The following AGAP1 variants were observed in gnomAD, a reference collection of about 807,000 sequenced individuals.
The protein encoded by AGAP1 is arf-GAP with GTPase, ANK repeat and PH domain-containing protein 1.
In AGAP1, 29 loss-of-function variants were observed where a neutral mutation model predicts 105.3. That is an observed-to-expected ratio of 0.28 (90% CI 0.21 to 0.38). The LOEUF (loss-of-function observed/expected upper bound fraction) is 0.38, where lower values mean the gene tolerates loss of function less well. Among genes scored for constraint, AGAP1 ranks in the 10% least tolerant of loss-of-function variants. The pLI, the probability that AGAP1 is intolerant of heterozygous loss-of-function variation, is 1.00. For missense variants in AGAP1, 998 were observed against 1,165.1 expected (o/e 0.86, Z 2.09); for synonymous variants, 509 against 485.9 (o/e 1.05, Z -0.63).
At chr2:235,500,886 G>A (rs908437060) in intron 1 of AGAP1, among the ~76,000 whole-genome samples, 1 of 152,178 alleles carries the variant, frequency 6.6e-6, no homozygotes, top group Non-Finnish European at 1.5e-5. Context: ...GGCGGCCTGG[G>A]CAGGAGAAGC....
chr2:235,908,878 G>A lies in AGAP1; in HGVS notation c.1296G>A (p.Met432Ile), dbSNP rs745641948. 6.2e-6 allele frequency: 10 copies of A among 1,613,770 alleles called. No homozygotes were observed. The highest frequency in any genetic ancestry group is 8.5e-6 in the Non-Finnish European group (10 of 1,179,920). Reference protein sequence around the residue: ...SPKTNGLSKDMSSLHISPNSG... With the variant: ...SPKTNGLSKDISSLHISPNSG... Reference sequence around the variant, plus strand: ...AAACCAATGGCCTATCCAAGGACATGAGCAGTTTACACATCTCACCCAATT... The same window carrying A: ...AAACCAATGGCCTATCCAAGGACATAAGCAGTTTACACATCTCACCCAATT... Residue 432 changes from methionine to isoleucine, a missense_variant, in exon 11 of 18, where the codon ATG becomes ATA. This residue lies in a region of AGAP1 where 735 missense variants were observed against 833.4 expected (regional missense o/e 0.88). Transcript: ENST00000304032. The surrounding 1 kb of genome is among the most constrained non-coding windows in gnomAD (Gnocchi z 4.4).
chr2:235,543,133 G>GGGTGTT, intron 1 of AGAP1, among the ~76,000 whole-genome samples: 1 of 114,004 alleles, frequency 8.8e-6, no homozygotes, highest in African/African-American at 3.2e-5. Context: ...GTTGGGTGTT[G>GGGTGTT]GGTGTTGGGT....
In AGAP1 at chr2:235,789,909, G is replaced by C. The variant is rs1001715445; in HGVS notation, c.674-7850G>C. Among the ~76,000 whole-genome samples, 2 of 152,158 alleles carry C rather than the reference G, an allele frequency of 1.3e-5. No individual in the cohort carries two copies. The highest frequency in any genetic ancestry group is 1.5e-5 in the Non-Finnish European group (1 of 68,032). ...CACCCCTAAGTTAAATTTATGACCT[G>C]TTTAGTTGCAGGATGTCTTACCTTC... On this transcript the variant is annotated intron_variant, in intron 6 of 17. Transcript: ENST00000304032. This position sits in a 1 kb window ranked among gnomAD's most constrained non-coding sequence, Gnocchi z 4.2.
intron 1 of AGAP1, among the ~76,000 whole-genome samples, chr2:235,684,941 C>T (rs2149412713): frequency 6.6e-6 from 1 of 152,280 alleles, no homozygotes; most frequent in East Asian, 1.9e-4. Flanking sequence ...ATACAAGTCA[C>T]CATGGCCATT....
rs2054031418 is a variant in AGAP1, at chr2:235,958,256, G to A, written c.1484-10206G>A. ...GTCCCCTGAGGGAGAGTGGTTGGAG[G>A]TGTTTCTGGAGGGCCCTGTACTCCC... On this transcript the variant is annotated intron_variant, in intron 12 of 17. Coordinates refer to ENST00000304032, the MANE Select transcript of AGAP1 (RefSeq NM_001037131.3). The surrounding 1 kb of genome is among the most constrained non-coding windows in gnomAD (Gnocchi z 4.1). Among the ~76,000 whole-genome samples, 1 of 152,192 alleles carries A rather than the reference G, an allele frequency of 6.6e-6. No homozygotes were observed. Among genetic ancestry groups the A allele is most frequent in the East Asian group, 1.9e-4 (1 of 5,160 alleles).
intron 6 of AGAP1, among the ~76,000 whole-genome samples, chr2:235,763,070 ACAC>A (rs1954605468): frequency 1.2e-5 from 1 of 82,386 alleles, no homozygotes; most frequent in Non-Finnish European, 2.7e-5. Context: ...GCGCGCGCGC[ACAC>A]GTGCACCTGC....
In AGAP1 at chr2:235,551,695, A is replaced by G. The variant is rs751265436; in HGVS notation, c.163+56846A>G. On this transcript the variant is annotated intron_variant, in intron 1 of 17. Coordinates refer to ENST00000304032, the MANE Select transcript of AGAP1 (RefSeq NM_001037131.3). This position sits in a 1 kb window ranked among gnomAD's most constrained non-coding sequence, Gnocchi z 4.8. ...GTGGGTGCTGTTTCTTTCCTGCAGGATGTTTGCTGAGCATTTGTGAGTGGA... is the reference window on the plus strand; with the variant it reads ...GTGGGTGCTGTTTCTTTCCTGCAGGGTGTTTGCTGAGCATTTGTGAGTGGA... Among the ~76,000 whole-genome samples, 31 of 152,166 alleles carry G rather than the reference A, an allele frequency of 2.0e-4. No homozygotes were observed. The highest frequency in any genetic ancestry group is 4.1e-4 in the Non-Finnish European group (28 of 68,032).
intron 1 of AGAP1, among the ~76,000 whole-genome samples, chr2:235,564,753 G>A (rs1944288549): frequency 6.9e-6 from 1 of 144,444 alleles, no homozygotes; most frequent in East Asian, 2.3e-4. Flanking sequence ...AGCACCCAGG[G>A]CCAGGTGTGA....
intron 6 of AGAP1, among the ~76,000 whole-genome samples, chr2:235,778,339 T>C (rs1440477517): frequency 6.6e-6 from 1 of 152,240 alleles, no homozygotes; most frequent in East Asian, 1.9e-4. Context: ...CTTTGACCAG[T>C]GCAGCCAGCA....
At chr2:235,726,694 G>A (rs191611566) in intron 3 of AGAP1, among the ~76,000 whole-genome samples, 44 of 152,268 alleles carry the variant, frequency 2.9e-4, no homozygotes, top group African/African-American at 8.7e-4. Flanking sequence ...CCAGGGAACC[G>A]CCTGCTCTGG....
chr2:235,608,095 C>T lies in AGAP1; in HGVS notation c.164-101084C>T, dbSNP rs1286752833. ...CGTGGGCGGGTTGGCATCGTCTGCA[C>T]GTTGACCGGGTCGTTTTTAGCTTTG... On this transcript the variant is annotated intron_variant, in intron 1 of 17. Transcript: ENST00000304032. The surrounding 1 kb of genome is among the most constrained non-coding windows in gnomAD (Gnocchi z 5.4). 2.0e-5 allele frequency among the ~76,000 whole-genome samples: 3 copies of T among 152,152 alleles called. No individual in the cohort carries two copies. Among genetic ancestry groups the T allele is most frequent in the African/African-American group, 4.8e-5 (2 of 41,438 alleles).
At chr2:235,836,383 C>T (rs566103927) in intron 9 of AGAP1, among the ~76,000 whole-genome samples, 2 of 152,206 alleles carry the variant, frequency 1.3e-5, no homozygotes, top group East Asian at 1.9e-4. Flanking sequence ...CTTTGGGGGC[C>T]GATAGAGGAG....
chr2:235,948,782 C>A (rs983300422), intron 12 of AGAP1, among the ~76,000 whole-genome samples: 2 of 152,054 alleles, frequency 1.3e-5, no homozygotes, highest in Non-Finnish European at 2.9e-5. Context: ...ATGCTAGGAT[C>A]CTGGCCCCCA....
chr2:235,695,169 G>C (rs931682374), intron 1 of AGAP1, among the ~76,000 whole-genome samples: 1 of 152,122 alleles, frequency 6.6e-6, no homozygotes, highest in African/African-American at 2.4e-5. Context: ...TTTAAGCATC[G>C]AGGCTGACCT....
chr2:235,738,332 A>G (rs1952371678), intron 3 of AGAP1, among the ~76,000 whole-genome samples: 1 of 151,980 alleles, frequency 6.6e-6, no homozygotes, highest in South Asian at 2.1e-4. Context: ...GCATTAACTC[A>G]TTAAGGAAGG....
At chr2:235,636,515 A>C (rs1166947220) in intron 1 of AGAP1, among the ~76,000 whole-genome samples, 1 of 152,144 alleles carries the variant, frequency 6.6e-6, no homozygotes, top group Admixed American at 6.5e-5. Context: ...CAGAGAACTC[A>C]TCCAGAAACC....
At chr2:236,081,313 AAG>A (rs1386412842) in intron 16 of AGAP1, among the ~76,000 whole-genome samples, 1 of 152,120 alleles carries the variant, frequency 6.6e-6, no homozygotes, top group Non-Finnish European at 1.5e-5. Flanking sequence ...TAAAAATAAA[AAG>A]AGAGTAACTA....
rs1955289063 is a variant in AGAP1 at position 235,769,951 on chromosome 2, CATATATTAGCAA to C, written c.673+19464_673+19475del. 1.3e-5 allele frequency among the ~76,000 whole-genome samples: 2 copies of C among 152,162 alleles called. No individual in the cohort carries two copies. Among genetic ancestry groups the C allele is most frequent in the African/African-American group, 4.8e-5 (2 of 41,426 alleles). On this transcript the variant is annotated intron_variant, in intron 6 of 17. Coordinates refer to ENST00000304032, the MANE Select transcript of AGAP1 (RefSeq NM_001037131.3). The surrounding 1 kb of genome is among the most constrained non-coding windows in gnomAD (Gnocchi z 4.4). ...TTAAGATACACACTTATGTATGTTT[CATATATTAGCAA>C]GTGTATCTCATATCTTCTGAATACA...
Position 235,934,576 on chromosome 2 carries a change from C to A in AGAP1, c.1483+3653C>A, listed in dbSNP as rs1436924021. On this transcript the variant is annotated intron_variant, in intron 12 of 17. Transcript: ENST00000304032. This position sits in a 1 kb window ranked among gnomAD's most constrained non-coding sequence, Gnocchi z 4.9. Reference sequence around the variant, plus strand: ...AGACTCAGCCTTGGCATAAACATTCCCTGCAGGGCTTAGAAAATAATCACA... The same window carrying A: ...AGACTCAGCCTTGGCATAAACATTCACTGCAGGGCTTAGAAAATAATCACA... Among the ~76,000 whole-genome samples the A allele has an allele frequency of 1.3e-5, 2 of 152,166 alleles. No individual in the cohort carries two copies. Among genetic ancestry groups the A allele is most frequent in the Non-Finnish European group, 2.9e-5 (2 of 68,034 alleles).
Sources: allele counts gnomAD v4.1 joint callset (sites outside exome capture counted in the v4.1 genomes callset), GRCh38; gene constraint gnomAD v4.1.1; regional missense constraint gnomAD v4.1.1; non-coding constraint Gnocchi (gnomAD v3.1); transcripts MANE v1.5; gene names NCBI Gene and HGNC (gene_info 2026-07-23, HGNC 2026-07-21).